Variants in CADM2 observed in about 807,000 individuals in gnomAD.
CADM2 encodes immunoglobulin superfamily member 4D.
Under a neutral mutation model 49.8 loss-of-function variants are expected in CADM2, and 12 were observed. That is an observed-to-expected ratio of 0.24 (90% CI 0.15 to 0.39). CADM2 has a LOEUF of 0.39. Ranked by LOEUF, CADM2 falls within the 10% of genes least tolerant of loss-of-function variation. The probability of loss-of-function intolerance (pLI) is 1.00; values close to 1 mark genes in which losing one functional copy is unlikely to be tolerated. For synonymous variants in CADM2, 214 were observed against 175.4 expected (o/e 1.22, Z -1.74); for missense variants, 378 against 492.3 (o/e 0.77, Z 2.20).
At chr3:85,593,387 T>A (rs952316556) in intron 1 of CADM2, among the ~76,000 whole-genome samples, 2 of 152,034 alleles carry the variant, frequency 1.3e-5, no homozygotes, top group African/African-American at 4.8e-5. Context: ...TCAATTAAAA[T>A]TCTAGAGCCT....
chr3:85,577,149 TTTACA>T (rs547840670), intron 1 of CADM2, among the ~76,000 whole-genome samples: 8 of 152,196 alleles, frequency 5.3e-5, no homozygotes, highest in Admixed American at 2.0e-4. Flanking sequence ...GGTTTTCCAG[TTTACA>T]TTGTGCATTC....
intron 1 of CADM2, among the ~76,000 whole-genome samples, chr3:85,337,578 C>A (rs2045124814): frequency 6.6e-6 from 1 of 151,420 alleles, no homozygotes; most frequent in Non-Finnish European, 1.5e-5. Flanking sequence ...CTGCTGTATT[C>A]TTTCATTGGG....
intron 1 of CADM2, among the ~76,000 whole-genome samples, chr3:85,107,191 T>G (rs1434529186): frequency 6.6e-6 from 1 of 152,104 alleles, no homozygotes; most frequent in South Asian, 2.1e-4. Flanking sequence ...AATAAATTTA[T>G]GGAATATAAG....
chr3:85,749,745 T>C lies in CADM2; in HGVS notation c.88+23197T>C, dbSNP rs567243303. On this transcript the variant is annotated intron_variant, in intron 2 of 9. Coordinates refer to ENST00000383699, the MANE Select transcript of CADM2 (RefSeq NM_001167675.2). ...CATATGCAGAGGTTCATGAATTTCC[T>C]TGGGATTAAAGTAAATGTGTTGTGA... is the stretch of plus-strand genomic sequence containing the variant. 8.5e-5 allele frequency among the ~76,000 whole-genome samples: 13 copies of C among 152,148 alleles called. 1 individual carries two copies. In the South Asian group the frequency reaches 2.7e-3, roughly 32 times the overall value.
At chr3:85,326,185 T>C (rs1182339304) in intron 1 of CADM2, among the ~76,000 whole-genome samples, 2 of 152,202 alleles carry the variant, frequency 1.3e-5, no homozygotes, top group East Asian at 3.9e-4. Context: ...CAGAGAAGTT[T>C]TAAGGCCTAA....
chr3:84,986,638 G>T (rs1049369066), intron 1 of CADM2, among the ~76,000 whole-genome samples: 1 of 151,714 alleles, frequency 6.6e-6, no homozygotes, highest in Non-Finnish European at 1.5e-5. Flanking sequence ...AGCATTAGGA[G>T]ATATACCTAA....
intron 8 of CADM2, among the ~76,000 whole-genome samples, chr3:86,020,403 G>C (rs1732982257): frequency 6.6e-6 from 1 of 152,048 alleles, no homozygotes; most frequent in Non-Finnish European, 1.5e-5. Flanking sequence ...AATTCTACCA[G>C]AGGTACAAGG....
chr3:85,259,957 G>A (rs2042977840), intron 1 of CADM2, among the ~76,000 whole-genome samples: 2 of 152,066 alleles, frequency 1.3e-5, no homozygotes, highest in Admixed American at 1.3e-4. Flanking sequence ...TTTTGAAGAT[G>A]AGTCAACTCT....
At chr3:85,904,406 A>G (rs1166019595) in intron 5 of CADM2, among the ~76,000 whole-genome samples, 1 of 152,186 alleles carries the variant, frequency 6.6e-6, no homozygotes, top group Non-Finnish European at 1.5e-5. Context: ...TCTTCTGGAA[A>G]GGACCGTAGT....
intron 8 of CADM2, among the ~76,000 whole-genome samples, chr3:86,043,964 G>C (rs992061516): frequency 6.6e-6 from 1 of 152,066 alleles, no homozygotes; most frequent in Non-Finnish European, 1.5e-5. Context: ...ATGGGGAAAC[G>C]GTTCCCTATT....
At chr3:85,345,206 C>T (rs928986863) in intron 1 of CADM2, among the ~76,000 whole-genome samples, 12 of 145,108 alleles carry the variant, frequency 8.3e-5, no homozygotes, top group Non-Finnish European at 1.2e-4. Flanking sequence ...CACAGCTACT[C>T]GGGGAGCTGA....
At chr3:85,716,420 A>G (rs925094957) in intron 1 of CADM2, among the ~76,000 whole-genome samples, 1 of 152,016 alleles carries the variant, frequency 6.6e-6, no homozygotes, top group African/African-American at 2.4e-5. Flanking sequence ...TGTCAGATGG[A>G]TAGATTGCAA....
chr3:84,984,044 TATATACAC>T (rs973724677), intron 1 of CADM2, among the ~76,000 whole-genome samples: 2 of 100,236 alleles, frequency 2.0e-5, no homozygotes, highest in African/African-American at 3.6e-5. Flanking sequence ...TATATATATA[TATATACAC>T]ACACACACAC....
chr3:85,752,983 C>G (rs1186445337), intron 2 of CADM2, among the ~76,000 whole-genome samples: 1 of 152,114 alleles, frequency 6.6e-6, no homozygotes, highest in Non-Finnish European at 1.5e-5. Context: ...TTTTTCCTTA[C>G]TCAGTAGGTA....
intron 1 of CADM2, among the ~76,000 whole-genome samples, chr3:85,529,987 G>A (rs1325200613): frequency 1.3e-5 from 2 of 152,088 alleles, no homozygotes; most frequent in Admixed American, 6.5e-5. Flanking sequence ...CAATGGGGTA[G>A]TGATATGGTT....
intron 1 of CADM2, among the ~76,000 whole-genome samples, chr3:84,975,740 G>A (rs1361780550): frequency 6.6e-6 from 1 of 151,712 alleles, no homozygotes; most frequent in African/African-American, 2.4e-5. Context: ...TCTTTTATCT[G>A]TGGAAGACAG....
intron 1 of CADM2, among the ~76,000 whole-genome samples, chr3:85,442,588 G>GTGTA (rs2037255318): frequency 8.3e-6 from 1 of 120,934 alleles, no homozygotes; most frequent in Admixed American, 7.9e-5. Flanking sequence ...TTATATATGA[G>GTGTA]TATATATATA....
Position 85,345,949 on chromosome 3 carries a change from A to G in CADM2, c.62-380573A>G, listed in dbSNP as rs1213426130. Reference sequence around the variant, plus strand: ...GCAACAATAATATGCATACATTTATATTCAGAAGGAAATTTATAAGGCAAA... The same window carrying G: ...GCAACAATAATATGCATACATTTATGTTCAGAAGGAAATTTATAAGGCAAA... On this transcript the variant is annotated intron_variant, in intron 1 of 9. Transcript: ENST00000383699. Among the ~76,000 whole-genome samples the G allele has an allele frequency of 3.3e-5, 5 of 152,334 alleles. No homozygotes were observed. In the South Asian group the frequency reaches 1.0e-3, roughly 32 times the overall value.
chr3:85,273,825 A>G (rs2043299504), intron 1 of CADM2, among the ~76,000 whole-genome samples: 1 of 150,830 alleles, frequency 6.6e-6, no homozygotes, highest in South Asian at 2.1e-4. Flanking sequence ...ATCTGTGGTA[A>G]TTAAAACCAT....
Sources: gnomAD v4.1 joint callset for allele counts (sites outside exome capture counted in the v4.1 genomes callset) on GRCh38, gnomAD v4.1.1 for gene constraint, MANE v1.5 for transcripts, NCBI Gene and HGNC (gene_info 2026-07-23, HGNC 2026-07-21) for gene names.